The following GRIP1 variants were observed in gnomAD, a reference collection of about 807,000 sequenced individuals.
The protein encoded by GRIP1 is glutamate receptor-interacting protein 1.
Under a neutral mutation model 129.9 loss-of-function variants are expected in GRIP1, and 45 were observed. The ratio of observed to expected loss-of-function variants is 0.35; its 90% CI spans 0.27 to 0.44. The LOEUF (loss-of-function observed/expected upper bound fraction) is 0.44, where lower values mean the gene tolerates loss of function less well. Ranked by LOEUF, GRIP1 falls within the 20% of genes least tolerant of loss-of-function variation. GRIP1 has a pLI of 1.00. For missense variants in GRIP1, 1,196 were observed against 1,396.8 expected, an observed-to-expected ratio of 0.86 and a Z score of 2.29; for synonymous variants, 530 against 520.8, an observed-to-expected ratio of 1.02 and a Z score of -0.24.
At chr12:66,741,732 A>T (rs186232316) in intron 1 of GRIP1, among the ~76,000 whole-genome samples, 200 of 152,308 alleles carry the variant, frequency 1.3e-3, no homozygotes, top group Non-Finnish European at 2.3e-3. Context: ...CTTACAGCAC[A>T]TCTCAATTTG....
chr12:66,765,248 G>A (rs914079553), intron 1 of GRIP1, among the ~76,000 whole-genome samples: 1 of 152,116 alleles, frequency 6.6e-6, no homozygotes, highest in Admixed American at 6.5e-5. Flanking sequence ...TGACCTCGGA[G>A]TCATTTAGGG....
intron 1 of GRIP1, among the ~76,000 whole-genome samples, chr12:67,061,472 C>G (rs2043535100): frequency 6.6e-6 from 1 of 152,206 alleles, no homozygotes; most frequent in Non-Finnish European, 1.5e-5. Flanking sequence ...TAAACTCCAG[C>G]TTTCTGATTT....
At position 66,463,069 on chromosome 12, in the gene GRIP1, A is replaced by C. The variant is rs1386229335; in HGVS notation, c.897T>G (p.Asp299Glu). 6.2e-7 allele frequency: 1 copy of C among 1,613,866 alleles called. No homozygotes were observed. The highest frequency in any genetic ancestry group is 8.5e-7 in the Non-Finnish European group (1 of 1,179,780). ...TGGTTCCATCGATGGAGAGGATGTG[A>C]TCTCCCACATGCAATGCGCCACATC... ...ADRCGALHVG[D>E]HILSIDGTSM... Residue 299 changes from aspartate to glutamate, a missense_variant, in exon 9 of 25, where the codon GAT (aspartate) becomes GAG (glutamate). Physicochemically the swap from Asp to Glu is conservative, Grantham distance 45. Coordinates refer to ENST00000359742, the MANE Select transcript of GRIP1 (RefSeq NM_001366722.1).
chr12:66,755,428 T>G (rs1029028821), intron 1 of GRIP1, among the ~76,000 whole-genome samples: 1 of 152,208 alleles, frequency 6.6e-6, no homozygotes, highest in African/African-American at 2.4e-5. Flanking sequence ...TGAGGCACCC[T>G]AATATCAAAG....
chr12:66,822,503 T>A (rs924333216), intron 1 of GRIP1, among the ~76,000 whole-genome samples: 1 of 152,184 alleles, frequency 6.6e-6, no homozygotes, highest in Non-Finnish European at 1.5e-5. Flanking sequence ...TTACTTGGTA[T>A]ATATCCAAAA....
intron 1 of GRIP1, among the ~76,000 whole-genome samples, chr12:66,677,184 G>T (rs1481408295): frequency 6.6e-6 from 1 of 152,152 alleles, no homozygotes; most frequent in African/African-American, 2.4e-5. Flanking sequence ...TAGATTTTTA[G>T]CGACTATCTT....
chr12:66,358,058 T>A (rs1202980872), intron 23 of GRIP1, among the ~76,000 whole-genome samples: 1 of 152,140 alleles, frequency 6.6e-6, no homozygotes, highest in East Asian at 1.9e-4. Context: ...TACGCCCGGC[T>A]AATGTTTATA....
chr12:66,724,228 CT>C (rs1005036630), intron 1 of GRIP1, among the ~76,000 whole-genome samples: 30 of 152,156 alleles, frequency 2.0e-4, no homozygotes, highest in Non-Finnish European at 4.4e-4. Context: ...GCAGTCATTT[CT>C]TTACACATAT....
intron 1 of GRIP1, among the ~76,000 whole-genome samples, chr12:66,614,859 T>G (rs2064970675): frequency 6.6e-6 from 1 of 152,156 alleles, no homozygotes; most frequent in Non-Finnish European, 1.5e-5. Flanking sequence ...GACTAAACCT[T>G]GCTACTCCTT....
chr12:66,595,931 C>T (rs1240226719), intron 2 of GRIP1, among the ~76,000 whole-genome samples: 1 of 152,120 alleles, frequency 6.6e-6, no homozygotes, highest in African/African-American at 2.4e-5. Context: ...AAAATTCTTC[C>T]TTTCACTGAC....
chr12:67,058,903 A>G (rs1481100417), intron 1 of GRIP1, among the ~76,000 whole-genome samples: 1 of 152,246 alleles, frequency 6.6e-6, no homozygotes, highest in Non-Finnish European at 1.5e-5. Flanking sequence ...GAAAAAAGGA[A>G]AGGAGGAGCA....
chr12:66,908,385 G>T lies in GRIP1; in HGVS notation c.58+160665C>A, dbSNP rs144777837. ...TGTCACAGAAATCAGGGAAGGAGAGGATTTCAAGAAGGAGGCACCCCTTTC... is the reference window on the plus strand; with the variant it reads ...TGTCACAGAAATCAGGGAAGGAGAGTATTTCAAGAAGGAGGCACCCCTTTC... On this transcript the variant is annotated intron_variant, in intron 1 of 1. Coordinates refer to the GRIP1 transcript ENST00000643019. 3.3e-5 allele frequency among the ~76,000 whole-genome samples: 5 copies of T among 152,244 alleles called. No homozygotes were observed. In the East Asian group the frequency reaches 9.6e-4, roughly 29 times the overall value.
chr12:66,573,940 G>T (rs138543313), intron 2 of GRIP1, among the ~76,000 whole-genome samples: 71 of 152,274 alleles, frequency 4.7e-4, no homozygotes, highest in Non-Finnish European at 7.9e-4. Context: ...TTCTAGTTCT[G>T]CCTCTAAGAT....
Position 66,723,300 on chromosome 12 carries a change from CTTTCTTTT to C in GRIP1, c.-420+80745_-420+80752del, listed in dbSNP as rs2036144191. On this transcript the variant is annotated intron_variant, in intron 1 of 4. Coordinates refer to the GRIP1 transcript ENST00000538373. ...CCTTCCTTCCTTTCTTTCTTTCTTT[CTTTCTTTT>C]TTTTTTTTTTTTTTTTTTTTTTGAG... is the stretch of plus-strand genomic sequence containing the variant. Among the ~76,000 whole-genome samples the C allele has an allele frequency of 2.3e-3, 96 of 42,526 alleles. 4 individuals carry two copies. Among genetic ancestry groups the C allele is most frequent in the Middle Eastern group, 0.014 (1 of 74 alleles). The allele number at this position is 42,526 out of a possible 152,430, so 27.9% of individuals were successfully genotyped here. A position where few individuals can be genotyped will look rare whatever the true frequency, so the allele number is the denominator to read the frequency against.
chr12:66,389,719 T>C (rs2056505059), intron 19 of GRIP1, among the ~76,000 whole-genome samples: 1 of 152,134 alleles, frequency 6.6e-6, no homozygotes, highest in South Asian at 2.1e-4. Flanking sequence ...CATTGATCAG[T>C]TCTCCTGTCT....
intron 5 of GRIP1, among the ~76,000 whole-genome samples, chr12:66,521,654 GCAGGA>G (rs2061008076): frequency 6.6e-6 from 1 of 152,064 alleles, no homozygotes; most frequent in African/African-American, 2.4e-5. Flanking sequence ...GACAGTGGGT[GCAGGA>G]CAGTGGGTGC....
chr12:66,958,747 A>G (rs1050900412), intron 1 of GRIP1, among the ~76,000 whole-genome samples: 12 of 152,232 alleles, frequency 7.9e-5, no homozygotes, highest in Non-Finnish European at 1.5e-4. Context: ...TTTAGGTATT[A>G]TAAACAATAC....
intron 1 of GRIP1, among the ~76,000 whole-genome samples, chr12:67,053,001 C>A (rs1332342111): frequency 6.6e-6 from 1 of 152,114 alleles, no homozygotes; most frequent in Non-Finnish European, 1.5e-5. Context: ...TTTCCCATAA[C>A]AGAAGGAAAA....
At chr12:66,739,598 A>G (rs1208967585) in intron 1 of GRIP1, among the ~76,000 whole-genome samples, 2 of 152,064 alleles carry the variant, frequency 1.3e-5, no homozygotes, top group East Asian at 3.9e-4. Context: ...AAGTGACAGG[A>G]GAGGGAGAGC....
Sources: allele counts gnomAD v4.1 joint callset (sites outside exome capture counted in the v4.1 genomes callset), GRCh38; gene constraint gnomAD v4.1.1; transcripts MANE v1.5; gene names NCBI Gene and HGNC (gene_info 2026-07-23, HGNC 2026-07-21).